Variants in ENOX1 observed in about 807,000 individuals in gnomAD.
The protein encoded by ENOX1 is ecto-NOX disulfide-thiol exchanger 1, also known as candidate growth-related and time keeping constitutive hydroquinone (NADH) oxidase.
ENOX1 carries 42 observed loss-of-function variants against 82.5 expected under a neutral mutation model. That is an observed-to-expected ratio of 0.51 (90% confidence interval 0.40 to 0.66). The LOEUF (loss-of-function observed/expected upper bound fraction) is 0.66. ENOX1 is among the 30% of genes least tolerant of loss of function. ENOX1 has a pLI of 0.00. For synonymous variants in ENOX1, 271 were observed against 282.2 expected, an observed-to-expected ratio of 0.96 and a Z score of 0.40; for missense variants, 608 against 811.6, an observed-to-expected ratio of 0.75 and a Z score of 3.05.
chr13:43,713,881 T>A (rs1329766301), intron 1 of ENOX1, among the ~76,000 whole-genome samples: 1 of 151,730 alleles, frequency 6.6e-6, no homozygotes, highest in Admixed American at 6.6e-5. Flanking sequence ...GATTCATTAA[T>A]TTTTTGAAAG....
At chr13:43,604,958 T>C (rs2081911852) in intron 2 of ENOX1, among the ~76,000 whole-genome samples, 1 of 152,178 alleles carries the variant, frequency 6.6e-6, no homozygotes, top group Non-Finnish European at 1.5e-5. Context: ...AGTGTTTCTA[T>C]ATGCCAACAG....
intron 11 of ENOX1, among the ~76,000 whole-genome samples, chr13:43,312,846 T>C (rs2224884): frequency 0.95 from 145,084 of 152,148 alleles, 69,588 homozygotes; most frequent in East Asian, 1. Flanking sequence ...TCCTTCTAGG[T>C]AGTGGGAAAA....
intron 11 of ENOX1, among the ~76,000 whole-genome samples, chr13:43,317,300 C>CCCTT (rs2047558321): frequency 6.6e-6 from 1 of 152,236 alleles, no homozygotes; most frequent in African/African-American, 2.4e-5. Flanking sequence ...TGCAGTTGGC[C>CCCTT]CCTTCAGTCA....
At chr13:43,350,932 G>A (rs529314796) in intron 8 of ENOX1, among the ~76,000 whole-genome samples, 1 of 152,274 alleles carries the variant, frequency 6.6e-6, no homozygotes, top group East Asian at 1.9e-4. Context: ...AACGGAACGA[G>A]GGAAAACAAG....
intron 1 of ENOX1, among the ~76,000 whole-genome samples, chr13:43,768,047 T>C (rs367682566): frequency 8.5e-5 from 13 of 152,200 alleles, no homozygotes; most frequent in East Asian, 7.7e-4. Flanking sequence ...CTGTATTACA[T>C]AACTCCATTC....
chr13:43,754,585 A>G (rs1247292182), intron 1 of ENOX1, among the ~76,000 whole-genome samples: 2 of 143,522 alleles, frequency 1.4e-5, no homozygotes, highest in Non-Finnish European at 3.1e-5. Flanking sequence ...TAATTTTAGC[A>G]GCTTGTTTTT....
chr13:43,355,754 C>A (rs2050106463), intron 8 of ENOX1, among the ~76,000 whole-genome samples, 165 bp downstream of exon 8: 1 of 152,204 alleles, frequency 6.6e-6, no homozygotes, highest in African/African-American at 2.4e-5. Flanking sequence ...GCTAACCCCA[C>A]CCCAGCTCTG....
chr13:43,494,747 A>G (rs1359637626), intron 2 of ENOX1, among the ~76,000 whole-genome samples: 1 of 152,218 alleles, frequency 6.6e-6, no homozygotes, highest in East Asian at 1.9e-4. Flanking sequence ...TCAGATTTCA[A>G]TTAAAAGTGT....
At chr13:43,311,561 GC>G (rs2047204187) in intron 11 of ENOX1, among the ~76,000 whole-genome samples, 1 of 152,018 alleles carries the variant, frequency 6.6e-6, no homozygotes. Flanking sequence ...CTAGTTTTTG[GC>G]TATGACTTCG....
chr13:43,769,145 T>C (rs1006219976), intron 1 of ENOX1, among the ~76,000 whole-genome samples: 5 of 152,324 alleles, frequency 3.3e-5, no homozygotes, highest in South Asian at 2.1e-4. Flanking sequence ...TTCCTCTTAT[T>C]GTCATTAGAA....
rs1210584704 is a variant in ENOX1 at position 43,263,979 on chromosome 13, C to CT, written c.1611+1418dup. Among the ~76,000 whole-genome samples, 9 of 152,328 alleles carry CT rather than the reference C, an allele frequency of 5.9e-5. No individual in the cohort carries two copies. The East Asian group carries it at 1.7e-3, about 29-fold the overall frequency. On this transcript the variant is annotated intron_variant, in intron 14 of 16. Transcript: ENST00000690772. ...CTCACAACATTGCCTATGGGGAGCT[C>CT]TGTATGAATGGCTTCCTCCTTTGGC...
intron 1 of ENOX1, among the ~76,000 whole-genome samples, chr13:43,701,228 T>C (rs950203327): frequency 6.6e-6 from 1 of 152,210 alleles, no homozygotes; most frequent in Admixed American, 6.5e-5. Flanking sequence ...GTACTTTTTG[T>C]ACACGTGCAT....
chr13:43,715,487 G>T (rs1175614593), intron 1 of ENOX1, among the ~76,000 whole-genome samples: 1 of 152,016 alleles, frequency 6.6e-6, no homozygotes, highest in Non-Finnish European at 1.5e-5. Context: ...GGCGTTCTCT[G>T]TATTTCCTGA....
At chr13:43,766,759 C>A (rs1044446216) in intron 1 of ENOX1, among the ~76,000 whole-genome samples, 3 of 152,066 alleles carry the variant, frequency 2.0e-5, no homozygotes, top group Admixed American at 2.0e-4. Flanking sequence ...CAGTCAAAAA[C>A]CATCCAAAAA....
At chr13:43,584,270 G>T (rs2080877575) in intron 2 of ENOX1, among the ~76,000 whole-genome samples, 1 of 152,220 alleles carries the variant, frequency 6.6e-6, no homozygotes, top group South Asian at 2.1e-4. Context: ...TGGTTTGGAA[G>T]CAAGTATTTC....
At chr13:43,603,473 G>C (rs977230031) in intron 2 of ENOX1, among the ~76,000 whole-genome samples, 25 of 151,284 alleles carry the variant, frequency 1.7e-4, no homozygotes, top group Middle Eastern at 3.4e-3. Context: ...TGCCATGCTG[G>C]TGTGCTGCAC....
At chr13:43,534,246 G>A (rs900176948) in intron 2 of ENOX1, among the ~76,000 whole-genome samples, 1 of 152,104 alleles carries the variant, frequency 6.6e-6, no homozygotes, top group South Asian at 2.1e-4. Context: ...TCTGGGCCTA[G>A]GATAACTGCA....
At chr13:43,416,340 G>C (rs9567185) in intron 3 of ENOX1, among the ~76,000 whole-genome samples, 1,699 of 25,518 alleles carry the variant, frequency 0.067, no homozygotes, top group Middle Eastern at 0.1. Context: ...GCGCTCCTCA[G>C]TTCCCAGATG....
chr13:43,737,882 T>G (rs576510241), intron 1 of ENOX1, among the ~76,000 whole-genome samples: 2 of 152,162 alleles, frequency 1.3e-5, no homozygotes, highest in Non-Finnish European at 2.9e-5. Flanking sequence ...TAATGTGGTG[T>G]CTAATTCTTA....
Sources: gnomAD v4.1 joint callset for allele counts (sites outside exome capture counted in the v4.1 genomes callset) on GRCh38, gnomAD v4.1.1 for gene constraint, MANE v1.5 for transcripts, NCBI Gene and HGNC (gene_info 2026-07-23, HGNC 2026-07-21) for gene names.